NOTCH3: variants seen among roughly 807,000 people sequenced by gnomAD.
The protein encoded by NOTCH3 is notch receptor 3, also known as neurogenic locus notch homolog protein 3.
A neutral mutation model predicts 213.3 loss-of-function variants in NOTCH3; 86 were observed. The ratio of observed to expected loss-of-function variants is 0.40; its 90% CI spans 0.34 to 0.48. The LOEUF is 0.48. Among genes scored for constraint, NOTCH3 ranks in the 20% least tolerant of loss-of-function variants. NOTCH3 has a pLI of 0.57. For synonymous variants in NOTCH3, 1,354 were observed against 1,355.9 expected (o/e 1.00, Z 0.03); for missense variants, 2,783 against 3,272.6 (o/e 0.85, Z 3.65).
chr19:15,179,013 G>T lies in NOTCH3; in HGVS notation c.3718+12C>A. 6.2e-7 allele frequency: 1 copy of T among 1,614,182 alleles called. No individual in the cohort carries two copies. The highest frequency in any genetic ancestry group is 8.5e-7 in the Non-Finnish European group (1 of 1,180,032). On this transcript the variant is annotated intron_variant, in intron 22 of 32. Coordinates refer to ENST00000263388, the MANE Select transcript of NOTCH3 (RefSeq NM_000435.3). ...GGCGGGGTCCCAGGCCAGCCCCTTC[G>T]CCAACGCTTACCTGAGAAGCCAGCA...
At chr19:15,178,617 T>G in intron 23 of NOTCH3, 1 of 619,346 alleles carries the variant, frequency 1.6e-6, no homozygotes, top group Non-Finnish European at 2.9e-6. Flanking sequence ...ACTCCTGGCC[T>G]CAAGTGATCC....
intron 31 of NOTCH3, among the ~76,000 whole-genome samples, chr19:15,164,561 A>G (rs976077358): frequency 1.3e-5 from 2 of 151,294 alleles, no homozygotes; most frequent in African/African-American, 2.4e-5. Context: ...AATTAAAAAA[A>G]GGGCAACATA....
chr19:15,177,816 C>A lies in NOTCH3; in HGVS notation c.4112G>T (p.Arg1371Leu), dbSNP rs1177188516. 42 of 1,255,884 alleles carry A rather than the reference C, an allele frequency of 3.3e-5. No homozygotes were observed. The highest frequency in any genetic ancestry group is 4.2e-5 in the Non-Finnish European group (42 of 1,005,720). The allele number at this position is 1,255,884 out of a possible 1,614,324, so 77.8% of individuals were successfully genotyped here. ...CACAQGWTGP[R>L]CEAPAAAPEV... The stretch of plus-strand genomic sequence containing the variant: ...GGGTGCCGCGGCGGGCGCCTCGCAG[C>A]GCGGCCCGGTCCAGCCCTGCGCGCA... The change falls in exon 24 of 33, where the codon CGC (arginine) becomes CTC (leucine). Residue 1371 changes from arginine (R) to leucine (L), a missense_variant. By Grantham distance (102) the Arg-to-Leu change is moderately radical. Transcript: ENST00000263388.
rs767090257 is a variant in NOTCH3 at position 15,187,960 on chromosome 19, G to A, written c.1527C>T (p.Asp509=). 5.9e-5 allele frequency: 92 copies of A among 1,550,710 alleles called. 5 individuals carry two copies. The South Asian group carries it at 9.5e-4, about 16-fold the overall frequency. The change falls in exon 10 of 33, where the codon GAC becomes GAT. Residue 509 remains aspartate (D), a synonymous_variant. Coordinates refer to ENST00000263388, the MANE Select transcript of NOTCH3 (RefSeq NM_000435.3). ...TCCTGCAGGGCGTGCTGGCGCATTCGTCCACGTCCAGCTGACACGTGGAGC... is the reference window on the plus strand; with the variant it reads ...TCCTGCAGGGCGTGCTGGCGCATTCATCCACGTCCAGCTGACACGTGGAGC... ...FSGSTCQLDV[D]ECASTPCRNG...
intron 24 of NOTCH3, among the ~76,000 whole-genome samples, chr19:15,177,105 T>A (rs573179824): frequency 1.4e-3 from 180 of 124,824 alleles, no homozygotes; most frequent in African/African-American, 5.2e-3. Context: ...GGAATTCGGC[T>A]GGGCACGGTG....
At chr19:15,187,785 A>T (rs2046895680) in intron 10 of NOTCH3, 96 bp downstream of exon 10, 1 of 1,010,562 alleles carries the variant, frequency 9.9e-7, no homozygotes, top group African/African-American at 1.6e-5. Context: ...CCTTGCTACA[A>T]CCCCGCCCCC....
chr19:15,200,497 C>G (rs990813874), intron 1 of NOTCH3, among the ~76,000 whole-genome samples: 3 of 151,826 alleles, frequency 2.0e-5, no homozygotes, highest in Non-Finnish European at 4.4e-5. Flanking sequence ...TCTGTACGCA[C>G]CCCCCCACCT....
intron 29 of NOTCH3, among the ~76,000 whole-genome samples, chr19:15,166,384 G>A (rs2046686087): frequency 6.8e-6 from 1 of 146,692 alleles, no homozygotes; most frequent in Non-Finnish European, 1.5e-5. Context: ...AAGGGACTCT[G>A]GAACATGTGT....
intron 19 of NOTCH3, 108 bp downstream of exon 19, chr19:15,180,573 C>T: frequency 7.6e-7 from 1 of 1,313,912 alleles, no homozygotes; most frequent in Non-Finnish European, 1.1e-6. Flanking sequence ...CACACCCCAT[C>T]ATGCCCCATA....
In NOTCH3 at chr19:15,185,344, C is replaced by T. The variant is rs754815179; in HGVS notation, c.2209G>A (p.Ala737Thr). ...GCCCTGCACGGCTGGGACTCACAGGCGTCTCGGGCCAGGCTCTGGCTGCAG... is the reference window on the plus strand; with the variant it reads ...GCCCTGCACGGCTGGGACTCACAGGTGTCTCGGGCCAGGCTCTGGCTGCAG... The part of the protein sequence containing the change: ...PRCSQSLARD[A>T]CESQPCRAGG... The change falls in exon 14 of 33, where the codon GCC becomes ACC. Residue 737 changes from alanine (A) to threonine (T), a missense_variant. Transcript: ENST00000263388. This position sits in a 1 kb window ranked among gnomAD's most constrained non-coding sequence, Gnocchi z 4.2. 44 of 1,612,554 alleles carry T rather than the reference C, an allele frequency of 2.7e-5. No individual in the cohort carries two copies. Among genetic ancestry groups the T allele is most frequent in the South Asian group, 1.9e-4 (17 of 91,056 alleles).
intron 17 of NOTCH3, 26 bp from the exon 18 acceptor site, chr19:15,181,188 G>C (rs2046838408): frequency 6.3e-7 from 1 of 1,596,026 alleles, no homozygotes; most frequent in Admixed American, 1.7e-5. Flanking sequence ...TGGGAGGGAG[G>C]ATCAGGCTCC....
intron 1 of NOTCH3, among the ~76,000 whole-genome samples, 161 bp from the exon 2 acceptor site, chr19:15,197,739 C>G (rs868502780): frequency 2.6e-5 from 2 of 76,856 alleles, no homozygotes; most frequent in African/African-American, 6.6e-5. Flanking sequence ...CCCACGCCCC[C>G]CCCCCCCCCG....
intron 16 of NOTCH3, among the ~76,000 whole-genome samples, chr19:15,183,549 G>A (rs529266754): frequency 2.0e-5 from 3 of 152,158 alleles, no homozygotes; most frequent in Non-Finnish European, 2.9e-5. Context: ...ACAGGCATGC[G>A]CCACCATGCC....
chr19:15,176,700 T>C (rs560457998), intron 24 of NOTCH3, among the ~76,000 whole-genome samples: 18 of 141,208 alleles, frequency 1.3e-4, no homozygotes, highest in African/African-American at 4.9e-4. Context: ...GAGGTAGAGA[T>C]TGCACTGAGC....
rs774985086 is a variant in NOTCH3, at chr19:15,191,465, C to A, written c.995G>T (p.Arg332Leu). 1.2e-6 allele frequency: 2 copies of A among 1,613,506 alleles called. No homozygotes were observed. Among genetic ancestry groups the A allele is most frequent in the Non-Finnish European group, 1.7e-6 (2 of 1,180,038 alleles). Residue 332 changes from arginine (R) to leucine (L), a missense_variant, in exon 6 of 33, where the codon CGC becomes CTC. Physicochemically the swap from Arg to Leu is moderately radical, Grantham distance 102 (BLOSUM62 -2). Around this residue, in one of 6 missense-constraint regions of NOTCH3, gnomAD observed 708 missense variants for 906.6 expected, o/e 0.78. Transcript: ENST00000263388. ...GCAGGCACAGTAGAAAGAAGCCACG[C>A]GGTCATGGCAGGTGGCCCCATGGAA... is the stretch of plus-strand genomic sequence containing the variant. ...VCFHGATCHD[R>L]VASFYCACPM...
chr19:15,178,416 T>C (rs2046810574), intron 23 of NOTCH3: 1 of 421,278 alleles, frequency 2.4e-6, no homozygotes. Flanking sequence ...TGAGACGGAG[T>C]GTCACTCAGT....
rs2145418404 is a variant in NOTCH3, at chr19:15,179,242, G to C, written c.3501C>G (p.Gly1167=). The C allele has an allele frequency of 6.2e-7, 1 of 1,613,922 alleles. No homozygotes were observed. Among genetic ancestry groups the C allele is most frequent in the East Asian group, 2.2e-5 (1 of 44,858 alleles). ...ACCGGGGCCCTGAGTCCAGCGGTGG[G>C]CCTGGGCCGCAGTCATCCTCATTAA... ...CEINEDDCGP[G]PPLDSGPRCL... Residue 1167 remains glycine (G), a synonymous_variant, in exon 22 of 33, where the codon GGC becomes GGG. Coordinates refer to ENST00000263388, the MANE Select transcript of NOTCH3 (RefSeq NM_000435.3).
In NOTCH3 at chr19:15,192,248, C is replaced by T. The variant is rs767150916; in HGVS notation, c.391G>A (p.Gly131Ser). The stretch of plus-strand genomic sequence containing the variant: ...TCGGGCCCCACTGAGCAGCGGGCAC[C>T]GTGGGCACAAGGGCTGCTGAGGCAG... ...DPCLSSPCAH[G>S]ARCSVGPDGR... The change falls in exon 4 of 33, where the codon GGT becomes AGT. Residue 131 changes from glycine to serine, a missense_variant. Gly to Ser is a moderately conservative substitution (Grantham distance 56). Around this residue, in one of 6 missense-constraint regions of NOTCH3, gnomAD observed 708 missense variants for 906.6 expected, o/e 0.78. Coordinates refer to ENST00000263388, the MANE Select transcript of NOTCH3 (RefSeq NM_000435.3). The T allele has an allele frequency of 1.0e-5, 16 of 1,602,680 alleles. No individual in the cohort carries two copies. Among genetic ancestry groups the T allele is most frequent in the Middle Eastern group, 1.6e-4 (1 of 6,066 alleles).
At position 15,170,096 on chromosome 19, in the gene NOTCH3, T is replaced by C; in HGVS notation, c.5189A>G (p.Lys1730Arg). Residue 1730 changes from lysine (K) to arginine (R), a missense_variant, in exon 28 of 33, where the codon AAG becomes AGG. Physicochemically the swap from Lys to Arg is conservative, Grantham distance 26. Around this residue, in one of 6 missense-constraint regions of NOTCH3, gnomAD observed 636 missense variants for 801.8 expected, o/e 0.79. Transcript: ENST00000263388. ...GAGGGGGGGCAGTACCTTTAGCCGC[T>C]TGGCCTCTGGGCACTCTGTGTCCAT... The part of the protein sequence containing the change: ...DWMDTECPEA[K>R]RLKVEEPGMG... The C allele has an allele frequency of 6.3e-7, 1 of 1,589,880 alleles. No homozygotes were observed. The highest frequency in any genetic ancestry group is 8.6e-7 in the Non-Finnish European group (1 of 1,166,528).
Sources: gnomAD v4.1 joint callset for allele counts (sites outside exome capture counted in the v4.1 genomes callset) on GRCh38, gnomAD v4.1.1 for gene constraint, gnomAD v4.1.1 regional missense constraint, Gnocchi (gnomAD v3.1) non-coding constraint, MANE v1.5 for transcripts, NCBI Gene and HGNC (gene_info 2026-07-23, HGNC 2026-07-21) for gene names.